The following GABRR3 variants were observed in gnomAD, a reference collection of about 807,000 sequenced individuals.
GABRR3 encodes gamma-aminobutyric acid type A receptor subunit rho3.
A neutral mutation model predicts 43.2 loss-of-function variants in GABRR3; 29 were observed. The observed-to-expected ratio is 0.67, with a 90% CI of 0.50 to 0.92. GABRR3 has a LOEUF of 0.92. GABRR3 is among the 40% of genes least tolerant of loss of function. GABRR3 has a pLI of 0.00. For missense variants in GABRR3, 576 were observed against 572.3 expected, an observed-to-expected ratio of 1.01 and a Z score of -0.07; for synonymous variants, 206 against 195.9, an observed-to-expected ratio of 1.05 and a Z score of -0.43.
chr3:98,007,799 C>T (rs1327710219), exon 7 of GABRR3: 19 of 1,613,330 alleles, frequency 1.2e-5, no homozygotes, highest in Non-Finnish European at 1.6e-5. Context: ...ACTAGATGCA[C>T]TGAAGTCTTC....
intron 3 of GABRR3, among the ~76,000 whole-genome samples, chr3:98,023,641 T>C (rs932617151): frequency 4.4e-4 from 67 of 150,836 alleles, no homozygotes; most frequent in African/African-American, 1.5e-3. Flanking sequence ...ATAAGAGAAG[T>C]AGTGAAGAAA....
intron 3 of GABRR3, among the ~76,000 whole-genome samples, chr3:98,020,025 C>T (rs778950973): frequency 2.6e-5 from 4 of 152,094 alleles, no homozygotes; most frequent in South Asian, 2.1e-4. Flanking sequence ...TAACAATTCA[C>T]GAAAATATCT....
At chr3:97,993,141 A>C in intron 8 of GABRR3, 93 bp from the exon 9 acceptor site, 1 of 993,564 alleles carries the variant, frequency 1.0e-6, no homozygotes, top group Middle Eastern at 3.4e-4. Context: ...TTTCTAGAAC[A>C]ATATCAACCT....
intron 8 of GABRR3, among the ~76,000 whole-genome samples, chr3:97,993,709 C>G (rs1403260074): frequency 6.6e-6 from 1 of 152,110 alleles, no homozygotes; most frequent in Non-Finnish European, 1.5e-5. Flanking sequence ...ACATTTTCCC[C>G]TTCCACTCTC....
chr3:97,991,551 C>G (rs977406352), intron 9 of GABRR3, among the ~76,000 whole-genome samples: 2 of 152,326 alleles, frequency 1.3e-5, no homozygotes, highest in Middle Eastern at 3.4e-3. Flanking sequence ...ACAAAATCAG[C>G]TCTTATTAGA....
intron 4 of GABRR3, among the ~76,000 whole-genome samples, chr3:98,014,825 C>T (rs544725257): frequency 1.8e-4 from 28 of 152,090 alleles, no homozygotes; most frequent in Non-Finnish European, 2.9e-4. Flanking sequence ...TTTTCTAGGT[C>T]CCTCCCTCAA....
chr3:98,026,636 TC>T (rs1707022308), intron 2 of GABRR3, among the ~76,000 whole-genome samples: 1 of 152,002 alleles, frequency 6.6e-6, no homozygotes, highest in Non-Finnish European at 1.5e-5. Context: ...ATCATCATCA[TC>T]ATCATCATCA....
At chr3:98,015,903 G>A (rs1034003718) in intron 4 of GABRR3, among the ~76,000 whole-genome samples, 1 of 152,132 alleles carries the variant, frequency 6.6e-6, no homozygotes, top group African/African-American at 2.4e-5. Flanking sequence ...AGAACTACCT[G>A]AGACTGTGTA....
intron 2 of GABRR3, among the ~76,000 whole-genome samples, chr3:98,033,162 T>TA (rs1234811175): frequency 6.6e-6 from 1 of 152,120 alleles, no homozygotes; most frequent in Non-Finnish European, 1.5e-5. Context: ...TGTGATGGTT[T>TA]ATGCAATCTC....
At chr3:97,988,627 G>C (rs865919) in intron 9 of GABRR3, among the ~76,000 whole-genome samples, 32,050 of 150,150 alleles carry the variant, frequency 0.21, 3,918 homozygotes, top group South Asian at 0.36. Context: ...TGGTGGTGGT[G>C]AATGGTGGTG....
At chr3:98,008,856 G>T in intron 6 of GABRR3, 100 bp downstream of exon 6, 3 of 456,164 alleles carry the variant, frequency 6.6e-6, no homozygotes, top group Non-Finnish European at 1.1e-5. Flanking sequence ...AAATATATCA[G>T]TATTTTAAAA....
At chr3:97,994,377 A>G (rs1306394201) in intron 8 of GABRR3, among the ~76,000 whole-genome samples, 1 of 152,210 alleles carries the variant, frequency 6.6e-6, no homozygotes, top group African/African-American at 2.4e-5. Flanking sequence ...TGACAGTACC[A>G]TAGGAGGACT....
At chr3:97,990,351 T>C (rs533258300) in intron 9 of GABRR3, among the ~76,000 whole-genome samples, 13 of 151,630 alleles carry the variant, frequency 8.6e-5, no homozygotes, top group South Asian at 4.2e-4. Context: ...ACTTCTTCTT[T>C]TTTTTTTTTT....
chr3:98,021,020 C>T (rs1053048061), intron 3 of GABRR3, among the ~76,000 whole-genome samples: 14 of 151,784 alleles, frequency 9.2e-5, no homozygotes, highest in Admixed American at 5.9e-4. Context: ...CACTACCACC[C>T]CTGGATAATT....
chr3:98,021,968 A>T (rs771675351), intron 3 of GABRR3, among the ~76,000 whole-genome samples: 34 of 152,194 alleles, frequency 2.2e-4, no homozygotes, highest in Admixed American at 3.3e-4. Context: ...GGGAGTGCAT[A>T]CTCAGAGAGG....
intron 2 of GABRR3, among the ~76,000 whole-genome samples, chr3:98,027,130 GAACT>G (rs1383167555): frequency 6.6e-6 from 1 of 151,978 alleles, no homozygotes; most frequent in Non-Finnish European, 1.5e-5. Context: ...GAGCTAGAAT[GAACT>G]ATTTATTAAA....
chr3:98,006,050 A>C (rs1484489771), intron 7 of GABRR3, among the ~76,000 whole-genome samples: 1 of 152,132 alleles, frequency 6.6e-6, no homozygotes, highest in Non-Finnish European at 1.5e-5. Context: ...TTAAGTAAGA[A>C]CATTAAAAAT....
rs1706979770 is a variant in GABRR3, at chr3:98,023,762, AATGCTCTGC to A, written c.238+1796_238+1804del. 2.6e-5 allele frequency among the ~76,000 whole-genome samples: 4 copies of A among 152,322 alleles called. No individual in the cohort carries two copies. The East Asian group carries it at 7.7e-4, about 29-fold the overall frequency. On this transcript the variant is annotated intron_variant, in intron 3 of 9. Coordinates refer to ENST00000621172, the Ensembl canonical transcript of GABRR3. ...AAATTATGATTCAATAAGTGTGAAAAATGCTCTGCAAAACAAAAAATTAAACTCACCATG... is the reference window on the plus strand; with the variant it reads ...AAATTATGATTCAATAAGTGTGAAAAAAAACAAAAAATTAAACTCACCATG...
chr3:98,017,231 A>G (rs981301024), intron 4 of GABRR3, among the ~76,000 whole-genome samples: 9 of 152,242 alleles, frequency 5.9e-5, no homozygotes, highest in African/African-American at 2.2e-4. Flanking sequence ...CAGATAAGCA[A>G]AATTAATATC....
Sources: gnomAD v4.1 joint callset for allele counts (sites outside exome capture counted in the v4.1 genomes callset) on GRCh38, gnomAD v4.1.1 for gene constraint, MANE v1.5 for transcripts, NCBI Gene and HGNC (gene_info 2026-07-23, HGNC 2026-07-21) for gene names.